GARRE1: variants seen among roughly 807,000 people sequenced by gnomAD.
GARRE1 encodes the protein granule associated Rac and RHOG effector protein 1.
A neutral mutation model predicts 103.2 loss-of-function variants in GARRE1; 49 were observed. The ratio of observed to expected loss-of-function variants is 0.47; its 90% CI spans 0.38 to 0.60. The LOEUF (loss-of-function observed/expected upper bound fraction) is 0.60, where lower values mean the gene tolerates loss of function less well. Ranked by LOEUF, GARRE1 falls within the 20% of genes least tolerant of loss-of-function variation. The probability of loss-of-function intolerance (pLI) is 0.00; values close to 1 mark genes in which losing one functional copy is unlikely to be tolerated. For synonymous variants in GARRE1, 505 were observed against 532.8 expected (o/e 0.95, Z 0.72); for missense variants, 1,199 against 1,370.5 (o/e 0.87, Z 1.98).
chr19:34,351,281 T>G (rs569978447), intron 12 of GARRE1, among the ~76,000 whole-genome samples: 19 of 151,996 alleles, frequency 1.3e-4, no homozygotes, highest in Admixed American at 3.9e-4. Flanking sequence ...AACCAGTGCC[T>G]GTCTTTGCCT....
In GARRE1 at chr19:34,333,791, C is replaced by T; in HGVS notation, c.1351C>T (p.Pro451Ser). ...LEGSRIVVQV[P>S]STWCLKEDPA... ...AGGCTCTAGAATCGTGGTTCAAGTC[C>T]CATCCACATGGTAACGTGCCTCTTA... is the stretch of plus-strand genomic sequence containing the variant. Residue 451 changes from proline (P) to serine (S), a missense_variant, in exon 8 of 14, where the codon CCA becomes TCA. Transcript: ENST00000299505. The T allele has an allele frequency of 6.3e-7, 1 of 1,595,330 alleles. No individual in the cohort carries two copies. Among genetic ancestry groups the T allele is most frequent in the Non-Finnish European group, 8.6e-7 (1 of 1,163,318 alleles).
At chr19:34,301,909 T>C (rs929013551) in intron 2 of GARRE1, among the ~76,000 whole-genome samples, 10 of 149,702 alleles carry the variant, frequency 6.7e-5, no homozygotes, top group African/African-American at 2.4e-4. Context: ...GGTCTCGATC[T>C]CCTGACCTTG....
chr19:34,321,950 T>A (rs895906849), intron 3 of GARRE1, among the ~76,000 whole-genome samples: 1 of 152,030 alleles, frequency 6.6e-6, no homozygotes, highest in Non-Finnish European at 1.5e-5. Flanking sequence ...GAAGGAGAAT[T>A]GTGGGATTCT....
intron 1 of GARRE1, among the ~76,000 whole-genome samples, chr19:34,271,827 TCAAAAA>T (rs112991927): frequency 0.049 from 7,388 of 150,376 alleles, 564 homozygotes; most frequent in African/African-American, 0.17. Flanking sequence ...GGAGCAAGTC[TCAAAAA>T]CAAAAACAAA....
At chr19:34,255,673 C>CTT (rs11307030) in intron 1 of GARRE1, among the ~76,000 whole-genome samples, 83 of 143,624 alleles carry the variant, frequency 5.8e-4, no homozygotes, top group Non-Finnish European at 7.2e-4. Flanking sequence ...TTGATATGGT[C>CTT]TTTTTTTTTT....
intron 10 of GARRE1, among the ~76,000 whole-genome samples, chr19:34,344,540 G>T (rs1229463746): frequency 6.9e-6 from 1 of 145,706 alleles, no homozygotes; most frequent in African/African-American, 2.5e-5. Context: ...GCAGTGAGCC[G>T]AGATCCCGCC....
intron 3 of GARRE1, among the ~76,000 whole-genome samples, chr19:34,323,026 T>C (rs1379213141): frequency 8.6e-6 from 1 of 116,778 alleles, no homozygotes; most frequent in Non-Finnish European, 1.8e-5. Context: ...TTCTTTTCTT[T>C]TTTTTTTTTT....
At chr19:34,320,237 C>A (rs1346230886) in intron 3 of GARRE1, 121 bp downstream of exon 3, 2 of 848,588 alleles carry the variant, frequency 2.4e-6, no homozygotes, top group East Asian at 2.7e-5. Flanking sequence ...AAACTGTTAT[C>A]ATTGGCTTGT....
chr19:34,307,707 TTATA>T (rs869171660), intron 2 of GARRE1, among the ~76,000 whole-genome samples: 1 of 69,244 alleles, frequency 1.4e-5, no homozygotes, highest in South Asian at 4.3e-4. Context: ...ACATATATAC[TTATA>T]TATATACTAT....
intron 1 of GARRE1, among the ~76,000 whole-genome samples, chr19:34,298,479 G>A (rs534142662): frequency 6.6e-6 from 1 of 151,770 alleles, no homozygotes; most frequent in Non-Finnish European, 1.5e-5. Flanking sequence ...TTGGGAGGCC[G>A]AGACGGGTGG....
chr19:34,283,021 G>C (rs2073864370), intron 1 of GARRE1, among the ~76,000 whole-genome samples: 1 of 152,122 alleles, frequency 6.6e-6, no homozygotes, highest in South Asian at 2.1e-4. Context: ...TGTCTTTATT[G>C]TTATGTCACT....
chr19:34,289,435 C>T (rs886667534), intron 1 of GARRE1, among the ~76,000 whole-genome samples: 1 of 148,978 alleles, frequency 6.7e-6, no homozygotes, highest in Non-Finnish European at 1.5e-5. Context: ...GAGCAAGATT[C>T]CATCTCCAAG....
At chr19:34,257,829 C>G (rs187522465) in intron 1 of GARRE1, among the ~76,000 whole-genome samples, 3 of 151,968 alleles carry the variant, frequency 2.0e-5, no homozygotes, top group East Asian at 3.9e-4. Context: ...GCATGGTGAG[C>G]TATTCTTTCT....
chr19:34,318,041 T>G (rs924585412), intron 2 of GARRE1, among the ~76,000 whole-genome samples: 1 of 152,230 alleles, frequency 6.6e-6, no homozygotes, highest in African/African-American at 2.4e-5. Context: ...ATGTCGGTTG[T>G]TGTTCCCTCT....
intron 1 of GARRE1, among the ~76,000 whole-genome samples, chr19:34,259,378 G>A (rs1201478301): frequency 2.0e-5 from 3 of 152,234 alleles, no homozygotes; most frequent in African/African-American, 7.2e-5. Context: ...TACTCTGGAT[G>A]TGAAAGAGGA....
At chr19:34,317,476 G>A (rs780805525) in intron 2 of GARRE1, among the ~76,000 whole-genome samples, 1 of 152,208 alleles carries the variant, frequency 6.6e-6, no homozygotes, top group Non-Finnish European at 1.5e-5. Flanking sequence ...AGGAAGGAGT[G>A]GGAGGAATAG....
At chr19:34,301,665 T>TTA (rs2073979732) in intron 2 of GARRE1, among the ~76,000 whole-genome samples, 1 of 151,824 alleles carries the variant, frequency 6.6e-6, no homozygotes, top group Admixed American at 6.6e-5. Flanking sequence ...CTAAATACGA[T>TTA]TATGAGCTTT....
At chr19:34,291,795 G>C (rs1175561807) in intron 1 of GARRE1, among the ~76,000 whole-genome samples, 1 of 151,646 alleles carries the variant, frequency 6.6e-6, no homozygotes, top group Non-Finnish European at 1.5e-5. Flanking sequence ...TTTAACTTCA[G>C]AACATTTTCA....
At chr19:34,352,382 A>G (rs1352102766) in intron 13 of GARRE1, among the ~76,000 whole-genome samples, 1 of 151,096 alleles carries the variant, frequency 6.6e-6, no homozygotes, top group African/African-American at 2.4e-5. Flanking sequence ...AGCCTGGGCG[A>G]GAGACAGACT....
Sources: allele counts gnomAD v4.1 joint callset (sites outside exome capture counted in the v4.1 genomes callset), GRCh38; gene constraint gnomAD v4.1.1; transcripts MANE v1.5; gene names NCBI Gene and HGNC (gene_info 2026-07-23, HGNC 2026-07-21).